The following MCRS1 variants were observed in gnomAD, a reference collection of about 807,000 sequenced individuals.
MCRS1 encodes 58 kDa microspherule protein.
Under a neutral mutation model 62.9 loss-of-function variants are expected in MCRS1, and 22 were observed. The ratio of observed to expected loss-of-function variants is 0.35; its 90% confidence interval spans 0.25 to 0.50. The LOEUF (loss-of-function observed/expected upper bound fraction) is 0.50. MCRS1 is among the 20% of genes least tolerant of loss of function. MCRS1 has a pLI of 0.98. For missense variants in MCRS1, 456 were observed against 601.1 expected, an observed-to-expected ratio of 0.76 and a Z score of 2.52; for synonymous variants, 244 against 233.5, an observed-to-expected ratio of 1.04 and a Z score of -0.41.
rs551799318 is a variant in MCRS1 at position 49,566,708 on chromosome 12, C to T, written c.10+14G>A. The T allele has an allele frequency of 9.3e-6, 15 of 1,613,818 alleles. No individual in the cohort carries two copies. Among genetic ancestry groups the T allele is most frequent in the Non-Finnish European group, 1.1e-5 (13 of 1,179,944 alleles). ...CGCCCGAGCATTTGGGGAGCTGTCC[C>T]GGCCTCATACTACCTTTGTCCATCC... is the stretch of plus-strand genomic sequence containing the variant. On this transcript the variant is annotated intron_variant, in intron 2 of 14. Coordinates refer to ENST00000343810, the MANE Select transcript of MCRS1 (RefSeq NM_006337.5).
At chr12:49,565,284 T>C (rs996294724) in intron 4 of MCRS1, 4 of 985,252 alleles carry the variant, frequency 4.1e-6, no homozygotes, top group African/African-American at 3.5e-5. Context: ...AATAGATGCA[T>C]GCTCCATGCC....
Position 49,558,864 on chromosome 12 carries a change from G to A in MCRS1, c.1281C>T (p.Leu427=), listed in dbSNP as rs775948349. Reference sequence around the variant, plus strand: ...TCACCTCCACCACAGAGTTGTTGCTGAGGCGCCATTTGGAGCCACAGAGCA... The same window carrying A: ...TCACCTCCACCACAGAGTTGTTGCTAAGGCGCCATTTGGAGCCACAGAGCA... The part of the protein sequence containing the change: ...RPVLCGSKWR[L]SNNSVVEIAS... The change falls in exon 14 of 15, where the codon CTC becomes CTT. Residue 427 remains leucine (L), a synonymous_variant. Coordinates refer to ENST00000343810, the MANE Select transcript of MCRS1 (RefSeq NM_006337.5). 1 of 1,613,156 alleles carries A rather than the reference G, an allele frequency of 6.2e-7. No homozygotes were observed. The highest frequency in any genetic ancestry group is 1.1e-5 in the South Asian group (1 of 91,088).
chr12:49,566,728 C>G lies in MCRS1; in HGVS notation c.4G>C (p.Asp2His), dbSNP rs759824112. 2 of 1,613,966 alleles carry G rather than the reference C, an allele frequency of 1.2e-6. No individual in the cohort carries two copies. ...TGTCCCGGCCTCATACTACCTTTGT[C>G]CATCCTCTTACAGTCCCAAAGCCAC... M[D>H]KDSQGLLDSS... is the part of the protein sequence containing the mutation. The change falls in exon 2 of 15, where the codon GAC becomes CAC. Residue 2 changes from aspartate to histidine, a missense_variant. Asp to His is a moderately conservative substitution (Grantham distance 81). Around this residue, in one of 3 missense-constraint regions of MCRS1, gnomAD observed 55 missense variants for 49.3 expected, o/e 1.12. Transcript: ENST00000343810.
chr12:49,559,202 G>T lies in MCRS1; in HGVS notation c.1174+12C>A, dbSNP rs1329751242. ...CACACTGCTTCCTGCTGGGGCAGGG[G>T]GTGGGGGATACCTTGTTTCCGGGAT... On this transcript the variant is annotated intron_variant, in intron 13 of 14. Transcript: ENST00000343810. This position sits in a 1 kb window ranked among gnomAD's most constrained non-coding sequence, Gnocchi z 5.2. 3 of 1,612,282 alleles carry T rather than the reference G, an allele frequency of 1.9e-6. No individual in the cohort carries two copies. The highest frequency in any genetic ancestry group is 2.5e-6 in the Non-Finnish European group (3 of 1,178,686).
intron 1 of MCRS1, among the ~76,000 whole-genome samples, chr12:49,567,434 G>T (rs1939120831): frequency 6.6e-6 from 1 of 151,952 alleles, no homozygotes. Context: ...AACCCCTAGA[G>T]AACCCAGGTA....
intron 7 of MCRS1, 118 bp downstream of exon 7, chr12:49,563,320 A>G (rs57965817): frequency 0.15 from 203,468 of 1,343,830 alleles, 22,538 homozygotes; most frequent in African/African-American, 0.57. Flanking sequence ...CAATGTGCAC[A>G]CGTGTGCATG....
intron 2 of MCRS1, 148 bp downstream of exon 2, chr12:49,566,574 C>T (rs1939075714): frequency 2.0e-6 from 3 of 1,479,916 alleles, no homozygotes; most frequent in Non-Finnish European, 2.8e-6. Context: ...TCAACTGTGG[C>T]TCTGCCGACA....
Position 49,565,559 on chromosome 12 carries a change from C to A in MCRS1, c.258G>T (p.Gly86=). 1 of 1,607,826 alleles carries A rather than the reference C, an allele frequency of 6.2e-7. No homozygotes were observed. The highest frequency in any genetic ancestry group is 8.5e-7 in the Non-Finnish European group (1 of 1,176,762). ...TCTTCTCACTGGAGGAGGGTTCACT[C>A]CCCGAACAGCGCCCTGGTTCCACCC... ...ASGVEPGRCS[G]SEPSSSEKKK... is the part of the protein sequence containing the mutation. The change falls in exon 4 of 15, where the codon GGG becomes GGT. Residue 86 remains glycine, a synonymous_variant. Coordinates refer to ENST00000343810, the MANE Select transcript of MCRS1 (RefSeq NM_006337.5).
intron 4 of MCRS1, chr12:49,565,111 G>A (rs1417908468): frequency 1.0e-6 from 1 of 985,396 alleles, no homozygotes; most frequent in Non-Finnish European, 1.2e-6. Flanking sequence ...TGACCATACG[G>A]GGTCTTCTCT....
chr12:49,566,889 C>T (rs1005849167), intron 1 of MCRS1, 48 bp from the exon 2 acceptor site: 4 of 977,942 alleles, frequency 4.1e-6, no homozygotes, highest in Non-Finnish European at 6.2e-6. Context: ...TCCAACTGGC[C>T]AGCCTCACTT....
Position 49,564,566 on chromosome 12 carries a change from G to C in MCRS1, c.472C>G (p.Leu158Val), listed in dbSNP as rs745331869. ...LQTNDLTSVH[L>V]GVKFSCRFTL... ...AAGCGGCAGCTGAATTTCACGCCCAGGTGGACGGAGGTCAGGTCGTTGGTC... is the reference window on the plus strand; with the variant it reads ...AAGCGGCAGCTGAATTTCACGCCCACGTGGACGGAGGTCAGGTCGTTGGTC... The change falls in exon 6 of 15, where the codon CTG (leucine) becomes GTG (valine). Residue 158 changes from leucine (L) to valine (V), a missense_variant. Leu to Val is a conservative substitution (Grantham distance 32, BLOSUM62 1). Coordinates refer to ENST00000343810, the MANE Select transcript of MCRS1 (RefSeq NM_006337.5). 35 of 1,611,050 alleles carry C rather than the reference G, an allele frequency of 2.2e-5. No homozygotes were observed. The highest frequency in any genetic ancestry group is 2.8e-5 in the Non-Finnish European group (33 of 1,178,642).
rs753586163 is a variant in MCRS1 at position 49,565,725 on chromosome 12, AC to A, written c.150-59del. 3.7e-6 allele frequency: 6 copies of A among 1,610,568 alleles called. No individual in the cohort carries two copies. In the South Asian group the frequency reaches 6.6e-5, roughly 18 times the overall value. ...ACCCCACCCTGGTACCCATTCACACACCCCCAGCCCCCAAAAGAGAGCAGGT... is the reference window on the plus strand; with the variant it reads ...ACCCCACCCTGGTACCCATTCACACACCCCAGCCCCCAAAAGAGAGCAGGT... On this transcript the variant is annotated intron_variant, in intron 3 of 14. Coordinates refer to ENST00000343810, the MANE Select transcript of MCRS1 (RefSeq NM_006337.5).
At chr12:49,564,213 G>A (rs573306752) in intron 6 of MCRS1, among the ~76,000 whole-genome samples, 8 of 151,472 alleles carry the variant, frequency 5.3e-5, no homozygotes, top group South Asian at 2.1e-4. Context: ...AGTTTTCTCC[G>A]CCCAAAGCCA....
Position 49,564,502 on chromosome 12 carries a change from A to G in MCRS1, c.536T>C (p.Leu179Pro). ...TCACTTGGAGATGACAGGATCGTAG[A>G]GCAGGGCGTACCAACGCTCCTGGAC... ...REVQERWYAL[L>P]YDPVISKLAC... is the part of the protein sequence containing the mutation. Residue 179 changes from leucine to proline, a missense_variant, in exon 6 of 15, where the codon CTC becomes CCC. Leu to Pro is a moderately conservative substitution (Grantham distance 98). This residue lies in a region of MCRS1 where 393 missense variants were observed against 523.5 expected (regional missense o/e 0.75). Coordinates refer to ENST00000343810, the MANE Select transcript of MCRS1 (RefSeq NM_006337.5). 1.2e-6 allele frequency: 2 copies of G among 1,613,304 alleles called. No homozygotes were observed. Among genetic ancestry groups the G allele is most frequent in the Non-Finnish European group, 1.7e-6 (2 of 1,179,558 alleles).
In MCRS1 at chr12:49,564,863, G is replaced by A; in HGVS notation, c.321C>T (p.Pro107=). The change falls in exon 5 of 15, where the codon CCC becomes CCT. Residue 107 remains proline, a synonymous_variant. Transcript: ENST00000343810. ...TGAGTCCAGGGGCTGGGGCTGGGCT[G>A]GGTGGCACAGGAGTGCTGGGGGCTT... ...VSKAPSTPVP[P]SPAPAPGLTK... 1 of 1,611,656 alleles carries A rather than the reference G, an allele frequency of 6.2e-7. No homozygotes were observed. The highest frequency in any genetic ancestry group is 8.5e-7 in the Non-Finnish European group (1 of 1,178,468).
chr12:49,567,361 C>A (rs1939117131), intron 1 of MCRS1, among the ~76,000 whole-genome samples: 1 of 151,686 alleles, frequency 6.6e-6, no homozygotes, highest in African/African-American at 2.4e-5. Flanking sequence ...GAGATACCAT[C>A]TCGTGGAAAC....
rs764656040 is a variant in MCRS1 at position 49,565,583 on chromosome 12, C to A, written c.234G>T (p.Gly78=). Residue 78 remains glycine, a synonymous_variant, in exon 4 of 15, where the codon GGG becomes GGT. Coordinates refer to ENST00000343810, the MANE Select transcript of MCRS1 (RefSeq NM_006337.5). Reference sequence around the variant, plus strand: ...TCCCCGAACAGCGCCCTGGTTCCACCCCACTGGCCCCCTTTGCCCGGGTAG... The same window carrying A: ...TCCCCGAACAGCGCCCTGGTTCCACACCACTGGCCCCCTTTGCCCGGGTAG... ...KSSTRAKGAS[G]VEPGRCSGSE... 1 of 1,612,674 alleles carries A rather than the reference C, an allele frequency of 6.2e-7. No individual in the cohort carries two copies. The highest frequency in any genetic ancestry group is 8.5e-7 in the Non-Finnish European group (1 of 1,179,244).
At position 49,566,215 on chromosome 12, in the gene MCRS1, T is replaced by A. The variant is rs760395189; in HGVS notation, c.11A>T (p.Asp4Val). 1.2e-6 allele frequency: 2 copies of A among 1,611,888 alleles called. No individual in the cohort carries two copies. The highest frequency in any genetic ancestry group is 2.7e-5 in the African/African-American group (2 of 74,940). ...GGATGAATCTAGCAGCCCCTGAGAA[T>A]CTAGCAAGAGAGAAATGGTGGATTC... is the stretch of plus-strand genomic sequence containing the variant. Reference protein sequence around the residue: MDKDSQGLLDSSLM... With the variant: MDKVSQGLLDSSLM... The change falls in exon 3 of 15, where the codon GAT becomes GTT. Residue 4 changes from aspartate to valine, a missense_variant and splice_region_variant. Physicochemically the swap from Asp to Val is radical, Grantham distance 152. Transcript: ENST00000343810.
rs1379679382 is a variant in MCRS1, at chr12:49,564,865, G to A, written c.319C>T (p.Pro107Ser). Residue 107 changes from proline (P) to serine (S), a missense_variant, in exon 5 of 15, where the codon CCC (proline) becomes TCC (serine). Pro to Ser is a moderately conservative substitution (Grantham distance 74, BLOSUM62 -1). Around this residue, in one of 3 missense-constraint regions of MCRS1, gnomAD observed 393 missense variants for 523.5 expected, o/e 0.75. Transcript: ENST00000343810. ...AGTCCAGGGGCTGGGGCTGGGCTGG[G>A]TGGCACAGGAGTGCTGGGGGCTTTG... ...VSKAPSTPVPPSPAPAPGLTK... is the reference protein window; with the variant it reads ...VSKAPSTPVPSSPAPAPGLTK... 2 of 1,611,880 alleles carry A rather than the reference G, an allele frequency of 1.2e-6. No individual in the cohort carries two copies. Among genetic ancestry groups the A allele is most frequent in the South Asian group, 1.1e-5 (1 of 90,910 alleles).
Sources: gnomAD v4.1 joint callset for allele counts (sites outside exome capture counted in the v4.1 genomes callset) on GRCh38, gnomAD v4.1.1 for gene constraint, gnomAD v4.1.1 regional missense constraint, Gnocchi (gnomAD v3.1) non-coding constraint, MANE v1.5 for transcripts, NCBI Gene and HGNC (gene_info 2026-07-23, HGNC 2026-07-21) for gene names.